NBN: variants seen among roughly 807,000 people sequenced by gnomAD.
NBN encodes Nijmegen breakage syndrome 1 (nibrin).
NBN carries 88 observed loss-of-function variants against 90.8 expected under a neutral mutation model. The observed-to-expected ratio is 0.97, with a 90% CI of 0.82 to 1.16. NBN has a LOEUF of 1.16. Ranked by LOEUF, NBN falls within the 50% of genes most tolerant of loss-of-function variation. The pLI is 0.00. For missense variants in NBN, 894 were observed against 869.6 expected (o/e 1.03, Z -0.35); for synonymous variants, 328 against 295.1 (o/e 1.11, Z -1.14).
intron 2 of NBN, chr8:89,982,276 C>T (rs767270551): frequency 4.2e-6 from 1 of 236,786 alleles, no homozygotes; most frequent in Non-Finnish European, 8.5e-6. Context: ...ATGAGAAATG[C>T]CCGTTTCCAC....
rs1060504927 is a variant in NBN at position 89,947,878 on chromosome 8, A to G, written c.1860T>C (p.Ile620=). 6.4e-7 allele frequency: 1 copy of G among 1,570,464 alleles called. No homozygotes were observed. The highest frequency in any genetic ancestry group is 8.7e-7 in the Non-Finnish European group (1 of 1,145,994). The change falls in exon 12 of 16, where the codon ATT becomes ATC. Residue 620 remains isoleucine, a synonymous_variant. Coordinates refer to ENST00000265433, the MANE Select transcript of NBN (RefSeq NM_002485.5). The part of the protein sequence containing the change: ...ESSKISQENE[I]GKKRELKEDS... ...CTTCCTTGAGTTCACGTTTCTTCCC[A>G]ATTTCATTTTCTTGCTAAAGAAATA...
intron 5 of NBN, among the ~76,000 whole-genome samples, chr8:89,975,117 T>C (rs1811691472): frequency 6.6e-6 from 1 of 152,254 alleles, no homozygotes; most frequent in Non-Finnish European, 1.5e-5. Flanking sequence ...TCATCTACTT[T>C]ACTACTTTGA....
At chr8:89,983,900 C>A (rs1311938517) in intron 1 of NBN, among the ~76,000 whole-genome samples, 2 of 152,146 alleles carry the variant, frequency 1.3e-5, no homozygotes, top group African/African-American at 4.8e-5. Flanking sequence ...TTAGTCTCTA[C>A]ATAGATCTTT....
At chr8:89,981,245 G>A (rs1410146742) in intron 3 of NBN, 130 bp downstream of exon 3, 2 of 994,636 alleles carry the variant, frequency 2.0e-6, no homozygotes, top group Non-Finnish European at 3.1e-6. Flanking sequence ...CCATGGCACA[G>A]AGTCCAATAC....
At chr8:89,942,020 G>GT (rs1394139047) in intron 14 of NBN, among the ~76,000 whole-genome samples, 1 of 152,128 alleles carries the variant, frequency 6.6e-6, no homozygotes, top group African/African-American at 2.4e-5. Context: ...TGCCCTATGA[G>GT]TATCTGCAAG....
chr8:89,935,520 T>C lies in NBN; in HGVS notation c.*62A>G. On this transcript the variant is annotated 3_prime_UTR_variant, in exon 16 of 16. Transcript: ENST00000265433. Reference sequence around the variant, plus strand: ...TATACACTATATATTCATATAACCTTGTTGGCCTGAAGTAGATGCTTACTA... The same window carrying C: ...TATACACTATATATTCATATAACCTCGTTGGCCTGAAGTAGATGCTTACTA... 1.3e-6 allele frequency: 2 copies of C among 1,597,930 alleles called. No homozygotes were observed. The highest frequency in any genetic ancestry group is 1.7e-6 in the Non-Finnish European group (2 of 1,166,892).
At chr8:89,971,514 T>C (rs778292997) in intron 5 of NBN, among the ~76,000 whole-genome samples, 1 of 152,130 alleles carries the variant, frequency 6.6e-6, no homozygotes, top group African/African-American at 2.4e-5. Flanking sequence ...GAATTGATCA[T>C]TAATATCTCA....
At position 89,984,618 on chromosome 8, in the gene NBN, A is replaced by G; in HGVS notation, c.-57T>C. ...GCAACCGCGTAACCGGGGCTGCTAGACGAGCGCGGATACGGCGCCTGCGGT... is the reference window on the plus strand; with the variant it reads ...GCAACCGCGTAACCGGGGCTGCTAGGCGAGCGCGGATACGGCGCCTGCGGT... On this transcript the variant is annotated 5_prime_UTR_variant, in exon 1 of 16. Transcript: ENST00000265433. 1 of 1,603,248 alleles carries G rather than the reference A, an allele frequency of 6.2e-7. No homozygotes were observed. The highest frequency in any genetic ancestry group is 8.5e-7 in the Non-Finnish European group (1 of 1,175,080).
intron 14 of NBN, among the ~76,000 whole-genome samples, chr8:89,938,515 A>G (rs550317269): frequency 2.0e-5 from 3 of 152,208 alleles, no homozygotes; most frequent in African/African-American, 7.2e-5. Flanking sequence ...ATCTTCATGT[A>G]ACTTCATTAC....
chr8:89,981,842 A>C, intron 2 of NBN: 1 of 608,328 alleles, frequency 1.6e-6, no homozygotes, highest in South Asian at 2.2e-5. Context: ...CATTTAAAAC[A>C]TGACAATTTC....
intron 11 of NBN, among the ~76,000 whole-genome samples, chr8:89,948,873 C>T (rs1167224476): frequency 2.0e-5 from 3 of 152,178 alleles, no homozygotes; most frequent in South Asian, 2.1e-4. Flanking sequence ...TGTACCTTCT[C>T]CCCATCCTGC....
chr8:89,959,446 C>T (rs1055812894), intron 8 of NBN, among the ~76,000 whole-genome samples: 13 of 152,282 alleles, frequency 8.5e-5, no homozygotes, highest in East Asian at 3.9e-4. Context: ...CATACCACCA[C>T]GCAAATCATT....
intron 13 of NBN, among the ~76,000 whole-genome samples, chr8:89,944,467 T>C (rs1322525024): frequency 6.6e-6 from 1 of 152,206 alleles, no homozygotes; most frequent in Non-Finnish European, 1.5e-5. Context: ...TCCGCCACAG[T>C]GTGCTCAGTC....
intron 9 of NBN, among the ~76,000 whole-genome samples, chr8:89,957,023 T>A (rs1417075075): frequency 6.6e-6 from 1 of 152,232 alleles, no homozygotes; most frequent in African/African-American, 2.4e-5. Flanking sequence ...TAATACTTGA[T>A]AATGATAATA....
chr8:89,976,569 A>G lies in NBN; in HGVS notation c.584+1651T>C, dbSNP rs78768136. 6.7e-3 allele frequency among the ~76,000 whole-genome samples: 1,014 copies of G among 152,272 alleles called. 14 individuals carry two copies. The highest frequency in any genetic ancestry group is 0.023 in the African/African-American group (959 of 41,542). Reference sequence around the variant, plus strand: ...GTGTTGACTCAAAGCCTTTGCCATTATATCTATACTGAATAAATGACCACA... The same window carrying G: ...GTGTTGACTCAAAGCCTTTGCCATTGTATCTATACTGAATAAATGACCACA... On this transcript the variant is annotated intron_variant, in intron 5 of 15. Transcript: ENST00000265433.
chr8:89,970,744 C>T (rs1586087604), intron 6 of NBN, among the ~76,000 whole-genome samples, 187 bp from the exon 7 acceptor site: 2 of 152,140 alleles, frequency 1.3e-5, no homozygotes, highest in Non-Finnish European at 2.9e-5. Context: ...GGAACTGTTA[C>T]ACTCTCTGTG....
intron 14 of NBN, among the ~76,000 whole-genome samples, chr8:89,942,818 G>A (rs1335796075): frequency 6.6e-6 from 1 of 152,086 alleles, no homozygotes; most frequent in Non-Finnish European, 1.5e-5. Context: ...AGGAGATAAT[G>A]GGGAAAACAG....
At chr8:89,978,028 C>G (rs910226621) in intron 5 of NBN, among the ~76,000 whole-genome samples, 192 bp downstream of exon 5, 8 of 152,088 alleles carry the variant, frequency 5.3e-5, no homozygotes, top group African/African-American at 1.7e-4. Flanking sequence ...TTCAGAGATA[C>G]AGAATAACCA....
At chr8:89,964,046 T>C (rs1360667544) in intron 8 of NBN, among the ~76,000 whole-genome samples, 1 of 152,198 alleles carries the variant, frequency 6.6e-6, no homozygotes, top group Non-Finnish European at 1.5e-5. Context: ...GAGACTTTCC[T>C]TGAATACCTA....
Sources: gnomAD v4.1 joint callset for allele counts (sites outside exome capture counted in the v4.1 genomes callset) on GRCh38, gnomAD v4.1.1 for gene constraint, MANE v1.5 for transcripts, NCBI Gene and HGNC (gene_info 2026-07-23, HGNC 2026-07-21) for gene names.